GLYAT: variants seen among roughly 807,000 people sequenced by gnomAD.
GLYAT encodes the protein glycine N-acyltransferase.
A neutral mutation model predicts 22.8 loss-of-function variants in GLYAT; 25 were observed. The observed-to-expected ratio is 1.09, with a 90% CI of 0.80 to 1.53. The LOEUF (loss-of-function observed/expected upper bound fraction) is 1.53. Among genes scored for constraint, GLYAT ranks in the 40% most tolerant of loss-of-function variants. The pLI is 0.00. For missense variants in GLYAT, 411 were observed against 353.9 expected, an observed-to-expected ratio of 1.16 and a Z score of -1.29; for synonymous variants, 140 against 122.7, an observed-to-expected ratio of 1.14 and a Z score of -0.93.
chr11:58,710,684 T>A lies in GLYAT; in HGVS notation c.394A>T (p.Ile132Phe), dbSNP rs2134478244. The A allele has an allele frequency of 6.2e-7, 1 of 1,613,320 alleles. No homozygotes were observed. Among genetic ancestry groups the A allele is most frequent in the East Asian group, 2.2e-5 (1 of 44,856 alleles). Residue 132 changes from isoleucine to phenylalanine, a missense_variant, in exon 5 of 6, where the codon ATT becomes TTT. Physicochemically the swap from Ile to Phe is conservative, Grantham distance 21. Transcript: ENST00000344743. ...KSFKVKQTQR[I>F]LYMAAETAKE... ...GCTGTTTCAGCTGCCATATAGAGAATGCGTTGTGTTTGTTTGACTTTGAAG... is the reference window on the plus strand; with the variant it reads ...GCTGTTTCAGCTGCCATATAGAGAAAGCGTTGTGTTTGTTTGACTTTGAAG...
In GLYAT at chr11:58,710,169, C is replaced by G; in HGVS notation, c.489-1G>C. On this transcript the variant is annotated splice_acceptor_variant, in intron 5 of 5. Transcript: ENST00000344743. LOFTEE classifies it high-confidence loss of function. The stretch of plus-strand genomic sequence containing the variant: ...TGAGAGTTTAAACATCTCTTGGTTG[C>G]TATGGAGGGTCCAAGAAGAAAACAA... 6.2e-7 allele frequency: 1 copy of G among 1,607,916 alleles called. No homozygotes were observed. Among genetic ancestry groups the G allele is most frequent in the African/African-American group, 1.3e-5 (1 of 74,834 alleles).
At position 58,726,991 on chromosome 11, in the gene GLYAT, ACT is replaced by A. The variant is rs756696687; in HGVS notation, c.-15-2482_-15-2481del. Among the ~76,000 whole-genome samples the A allele has an allele frequency of 1.1e-4, 16 of 152,018 alleles. No individual in the cohort carries two copies. The East Asian group carries it at 3.1e-3, about 29-fold the overall frequency. ...TTTCCCCTCCCCTTAAGAAGTGCTG[ACT>A]CAAAAAAAAAAGAAAAAAGCAAGTA... On this transcript the variant is annotated intron_variant, in intron 1 of 5. Transcript: ENST00000344743.
rs1856584981 is a variant in GLYAT, at chr11:58,709,704, C to T, written c.*62G>A. ...CAATTTATTATTTCTTTTCATCCAC[C>T]ATCCACTCCTCAAATTATACGCCCA... On this transcript the variant is annotated 3_prime_UTR_variant, in exon 6 of 6. Transcript: ENST00000344743. 4.0e-6 allele frequency: 6 copies of T among 1,503,842 alleles called. No individual in the cohort carries two copies. The highest frequency in any genetic ancestry group is 4.5e-5 in the East Asian group (2 of 44,066). 93.2% of individuals were successfully genotyped at this position (1,503,842 alleles called of 1,614,324 possible). A position where few individuals can be genotyped will look rare whatever the true frequency, so the allele number is the denominator to read the frequency against.
At chr11:58,713,280 G>A (rs1856639547) in intron 3 of GLYAT, among the ~76,000 whole-genome samples, 1 of 152,044 alleles carries the variant, frequency 6.6e-6, no homozygotes, top group Non-Finnish European at 1.5e-5. Flanking sequence ...TTTAAATAAT[G>A]AGATAAAGAT....
At chr11:58,726,786 T>C (rs1432544183) in intron 1 of GLYAT, among the ~76,000 whole-genome samples, 1 of 151,910 alleles carries the variant, frequency 6.6e-6, no homozygotes, top group Non-Finnish European at 1.5e-5. Context: ...ATTAGAGAAA[T>C]GGAGACTACA....
At chr11:58,719,095 C>T (rs936241346) in intron 2 of GLYAT, among the ~76,000 whole-genome samples, 1 of 151,774 alleles carries the variant, frequency 6.6e-6, no homozygotes, top group Admixed American at 6.6e-5. Flanking sequence ...TTAATCAGGT[C>T]AGAAAAAGAC....
chr11:58,726,201 G>A (rs1324156758), intron 1 of GLYAT, among the ~76,000 whole-genome samples: 1 of 151,974 alleles, frequency 6.6e-6, no homozygotes, highest in Non-Finnish European at 1.5e-5. Context: ...TGGGATGTGG[G>A]GCATGGAGCC....
intron 4 of GLYAT, among the ~76,000 whole-genome samples, chr11:58,712,438 T>A (rs1319455828): frequency 6.6e-6 from 1 of 152,134 alleles, no homozygotes; most frequent in Admixed American, 6.5e-5. Flanking sequence ...AAGCTATCAT[T>A]TTTATTACAG....
chr11:58,717,452 G>A (rs578255912), intron 2 of GLYAT, among the ~76,000 whole-genome samples: 2 of 151,976 alleles, frequency 1.3e-5, no homozygotes, highest in African/African-American at 4.8e-5. Flanking sequence ...ATGTAAACAG[G>A]TTGCTGTTAT....
rs1856593816 is a variant in GLYAT at position 58,710,121 on chromosome 11, T to G, written c.536A>C (p.His179Pro). The G allele has an allele frequency of 1.9e-6, 3 of 1,614,048 alleles. No homozygotes were observed. The highest frequency in any genetic ancestry group is 2.5e-6 in the Non-Finnish European group (3 of 1,179,956). ...AAAATGCCAGAATTTATTCACCAAG[T>G]GAGCATGGGTAACATCCATGGATGA... is the stretch of plus-strand genomic sequence containing the variant. ...KLSSMDVTHA[H>P]LVNKFWHFGG... The change falls in exon 6 of 6, where the codon CAC (histidine) becomes CCC (proline). Residue 179 changes from histidine (H) to proline (P), a missense_variant. Transcript: ENST00000344743.
Position 58,715,383 on chromosome 11 carries a change from A to G in GLYAT, c.122T>C (p.Phe41Ser). ...CTTGTCCACCACAGCCTTCAGATTG[A>G]ATGGATTTCCATGGTTTATGTGAAA... Reference protein sequence around the residue: ...TVFHINHGNPFNLKAVVDKWP... With the variant: ...TVFHINHGNPSNLKAVVDKWP... Residue 41 changes from phenylalanine to serine, a missense_variant, in exon 3 of 6, where the codon TTC becomes TCC. Coordinates refer to ENST00000344743, the MANE Select transcript of GLYAT (RefSeq NM_201648.3). 1 of 1,600,056 alleles carries G rather than the reference A, an allele frequency of 6.2e-7. No homozygotes were observed. The highest frequency in any genetic ancestry group is 8.6e-7 in the Non-Finnish European group (1 of 1,167,544).
chr11:58,718,962 A>G (rs1014764456), intron 2 of GLYAT, among the ~76,000 whole-genome samples: 3 of 152,030 alleles, frequency 2.0e-5, no homozygotes, highest in Non-Finnish European at 4.4e-5. Context: ...ATATTTATAC[A>G]AAGACAGCCC....
intron 2 of GLYAT, among the ~76,000 whole-genome samples, chr11:58,719,425 A>G (rs1280444049): frequency 6.6e-6 from 1 of 151,996 alleles, no homozygotes; most frequent in Non-Finnish European, 1.5e-5. Context: ...TAATGCTTCA[A>G]GAGAGCCTTG....
chr11:58,715,277 A>T, intron 3 of GLYAT, 39 bp downstream of exon 3: 1 of 887,488 alleles, frequency 1.1e-6, no homozygotes, highest in Non-Finnish European at 1.9e-6. Flanking sequence ...GCACACAGCT[A>T]ATATAAATAT....
intron 2 of GLYAT, among the ~76,000 whole-genome samples, chr11:58,718,287 A>G (rs1218204099): frequency 1.3e-5 from 2 of 152,086 alleles, no homozygotes; most frequent in East Asian, 1.9e-4. Flanking sequence ...AGAAACAAAC[A>G]TGCTCCAAAG....
rs201464772 is a variant in GLYAT, at chr11:58,709,953, G to A, written c.704C>T (p.Pro235Leu). 135 of 1,613,938 alleles carry A rather than the reference G, an allele frequency of 8.4e-5. No individual in the cohort carries two copies. The highest frequency in any genetic ancestry group is 9.8e-5 in the Non-Finnish European group (116 of 1,179,970). Reference sequence around the variant, plus strand: ...CACAAGGCCATGGAGCCGGTATTCCGGCAAGGTGCCTGCCATTCTCATCTC... The same window carrying A: ...CACAAGGCCATGGAGCCGGTATTCCAGCAAGGTGCCTGCCATTCTCATCTC... The part of the protein sequence containing the change: ...TGEMRMAGTL[P>L]EYRLHGLVTY... The change falls in exon 6 of 6, where the codon CCG becomes CTG. Residue 235 changes from proline to leucine, a missense_variant. Coordinates refer to ENST00000344743, the MANE Select transcript of GLYAT (RefSeq NM_201648.3).
rs1377646988 is a variant in GLYAT, at chr11:58,709,946, G to A, written c.711C>T (p.Tyr237=). Residue 237 remains tyrosine (Y), a synonymous_variant, in exon 6 of 6, where the codon TAC becomes TAT. Transcript: ENST00000344743. ...CATACGTCACAAGGCCATGGAGCCG[G>A]TATTCCGGCAAGGTGCCTGCCATTC... ...EMRMAGTLPE[Y]RLHGLVTYVI... 6.2e-7 allele frequency: 1 copy of A among 1,614,052 alleles called. No individual in the cohort carries two copies. The highest frequency in any genetic ancestry group is 8.5e-7 in the Non-Finnish European group (1 of 1,179,948).
chr11:58,723,103 A>T (rs1010428388), intron 2 of GLYAT, among the ~76,000 whole-genome samples: 2 of 152,078 alleles, frequency 1.3e-5, no homozygotes, highest in African/African-American at 4.8e-5. Context: ...TAACACAAGG[A>T]ATAAGGAGAA....
intron 1 of GLYAT, among the ~76,000 whole-genome samples, chr11:58,726,071 G>GT (rs971291446): frequency 3.1e-4 from 47 of 150,428 alleles, no homozygotes; most frequent in East Asian, 9.8e-4. Context: ...TTCAGGTTTG[G>GT]TTTTTTTTTG....
Sources: allele counts gnomAD v4.1 joint callset (sites outside exome capture counted in the v4.1 genomes callset), GRCh38; gene constraint gnomAD v4.1.1; transcripts MANE v1.5; gene names NCBI Gene and HGNC (gene_info 2026-07-23, HGNC 2026-07-21).